TIMD4: variants seen among roughly 807,000 people sequenced by gnomAD.
TIMD4 encodes the protein T cell immunoglobulin and mucin domain containing 4, also known as T-cell immunoglobulin and mucin domain-containing protein 4.
In TIMD4, 31 loss-of-function variants were observed where a neutral mutation model predicts 41.2. That is an observed-to-expected ratio of 0.75 (90% CI 0.57 to 1.01). The LOEUF (loss-of-function observed/expected upper bound fraction) is 1.01. Ranked by LOEUF, TIMD4 falls within the 50% of genes least tolerant of loss-of-function variation. The pLI is 0.00. For synonymous variants in TIMD4, 204 were observed against 177.1 expected, an observed-to-expected ratio of 1.15 and a Z score of -1.21; for missense variants, 479 against 472.5, an observed-to-expected ratio of 1.01 and a Z score of -0.13.
intron 4 of TIMD4, 128 bp downstream of exon 4, chr5:156,949,523 C>T: frequency 1.3e-6 from 1 of 757,572 alleles, no homozygotes; most frequent in Non-Finnish European, 2.3e-6. Context: ...CAATTTGCCA[C>T]AGGGGGATTT....
chr5:156,961,382 A>T (rs969521218), intron 1 of TIMD4, among the ~76,000 whole-genome samples: 2 of 152,242 alleles, frequency 1.3e-5, no homozygotes, highest in Admixed American at 6.5e-5. Context: ...ACTACTGGGG[A>T]TATATCCCAA....
At chr5:156,925,167 A>G (rs895535261) in intron 6 of TIMD4, among the ~76,000 whole-genome samples, 2 of 152,176 alleles carry the variant, frequency 1.3e-5, no homozygotes, top group Admixed American at 6.5e-5. Flanking sequence ...AAAATCAGCC[A>G]GGCATGGTGG....
chr5:156,926,356 G>A (rs1759347713), intron 5 of TIMD4, 44 bp from the exon 6 acceptor site: 2 of 1,597,688 alleles, frequency 1.3e-6, no homozygotes, highest in African/African-American at 1.3e-5. Flanking sequence ...TCTGGTTGGG[G>A]AATAAAATAT....
intron 5 of TIMD4, among the ~76,000 whole-genome samples, chr5:156,929,064 A>T (rs1759401326): frequency 1.3e-5 from 2 of 152,192 alleles, no homozygotes; most frequent in Admixed American, 6.5e-5. Context: ...TCTTCTGAAG[A>T]TGCTAAAAGC....
At chr5:156,961,841 GAAAAAAAA>G (rs58076212) in intron 1 of TIMD4, among the ~76,000 whole-genome samples, 69 of 79,546 alleles carry the variant, frequency 8.7e-4, no homozygotes, top group African/African-American at 2.8e-3. Context: ...AAAAAAGAAA[GAAAAAAAA>G]AAAGAAAATG....
chr5:156,925,494 G>A (rs1484522194), intron 6 of TIMD4, among the ~76,000 whole-genome samples: 1 of 152,188 alleles, frequency 6.6e-6, no homozygotes, highest in Non-Finnish European at 1.5e-5. Flanking sequence ...GAGAGAGATG[G>A]GGAAGAAGAA....
intron 1 of TIMD4, among the ~76,000 whole-genome samples, chr5:156,958,220 C>T (rs1440336057): frequency 6.6e-6 from 1 of 151,670 alleles, no homozygotes; most frequent in Non-Finnish European, 1.5e-5. Context: ...TGCAGTTAGC[C>T]AAGATCACAC....
chr5:156,926,019 T>G (rs1187098463), intron 6 of TIMD4, among the ~76,000 whole-genome samples: 2 of 152,274 alleles, frequency 1.3e-5, no homozygotes, highest in African/African-American at 4.8e-5. Flanking sequence ...TTCTCATGCC[T>G]CAGCCTTCTG....
intron 5 of TIMD4, among the ~76,000 whole-genome samples, chr5:156,929,697 A>G (rs1253297917): frequency 1.3e-5 from 2 of 152,208 alleles, no homozygotes; most frequent in African/African-American, 2.4e-5. Context: ...TTGATTTGTC[A>G]GACTTCTGCC....
intron 1 of TIMD4, among the ~76,000 whole-genome samples, chr5:156,962,262 T>C (rs1753080993): frequency 6.6e-6 from 1 of 152,160 alleles, no homozygotes; most frequent in African/African-American, 2.4e-5. Context: ...GAAGAGAACA[T>C]TTGAAATGTT....
At chr5:156,960,784 C>T (rs1160350695) in intron 1 of TIMD4, among the ~76,000 whole-genome samples, 2 of 152,220 alleles carry the variant, frequency 1.3e-5, no homozygotes, top group African/African-American at 4.8e-5. Flanking sequence ...ACAAAGCAGA[C>T]CTGGGCTGCC....
At chr5:156,961,808 C>CAAAAAAAAAAAAA in intron 1 of TIMD4, among the ~76,000 whole-genome samples, 25 of 27,986 alleles carry the variant, frequency 8.9e-4, no homozygotes, top group Admixed American at 1.5e-3. Flanking sequence ...GACTCCGTCT[C>CAAAAAAAAAAAAA]AAAAAAAAAA....
Position 156,951,565 on chromosome 5 carries a change from G to C in TIMD4, c.626C>G (p.Ala209Gly), listed in dbSNP as rs1759855486. 3 of 1,614,050 alleles carry C rather than the reference G, an allele frequency of 1.9e-6. No homozygotes were observed. The Admixed American group carries it at 5.0e-5, about 27-fold the overall frequency. Residue 209 changes from alanine to glycine, a missense_variant, in exon 3 of 9, where the codon GCC (alanine) becomes GGC (glycine). Transcript: ENST00000274532. ...AGGCTCGGGAGTCAGAAGACCTGTG[G>C]CTTCCTCCGGAAGGGTGCTTGGGGT... The part of the protein sequence containing the change: ...SLTPSTLPEE[A>G]TGLLTPEPSK...
intron 3 of TIMD4, among the ~76,000 whole-genome samples, chr5:156,951,059 T>C (rs1759842055): frequency 1.3e-5 from 2 of 151,810 alleles, no homozygotes; most frequent in African/African-American, 2.4e-5. Flanking sequence ...GAATAAATTG[T>C]GTCCCCTCAA....
chr5:156,932,714 A>G (rs995487083), intron 5 of TIMD4, among the ~76,000 whole-genome samples: 5 of 152,192 alleles, frequency 3.3e-5, no homozygotes, highest in African/African-American at 1.2e-4. Context: ...CATTAAAGAA[A>G]ACGGTTTAAG....
chr5:156,948,010 A>G (rs1759775910), intron 5 of TIMD4, among the ~76,000 whole-genome samples: 1 of 152,226 alleles, frequency 6.6e-6, no homozygotes, highest in Non-Finnish European at 1.5e-5. Flanking sequence ...GGAAGAAGGA[A>G]GATTTCAACA....
chr5:156,923,091 T>C (rs962402406), intron 6 of TIMD4, among the ~76,000 whole-genome samples: 1 of 151,888 alleles, frequency 6.6e-6, no homozygotes, highest in Non-Finnish European at 1.5e-5. Context: ...TGAGATGGTG[T>C]CTCGCTATGT....
intron 5 of TIMD4, among the ~76,000 whole-genome samples, chr5:156,934,981 C>T (rs1218636016): frequency 2.6e-5 from 4 of 152,148 alleles, no homozygotes; most frequent in African/African-American, 9.7e-5. Context: ...AACTTCAACG[C>T]AATCCTAGAA....
chr5:156,930,943 G>C (rs1422821724), intron 5 of TIMD4, among the ~76,000 whole-genome samples: 2 of 152,208 alleles, frequency 1.3e-5, no homozygotes, highest in Non-Finnish European at 2.9e-5. Context: ...TAAGGATCTT[G>C]TGATGAGAAG....
Sources: gnomAD v4.1 joint callset for allele counts (sites outside exome capture counted in the v4.1 genomes callset) on GRCh38, gnomAD v4.1.1 for gene constraint, MANE v1.5 for transcripts, NCBI Gene and HGNC (gene_info 2026-07-23, HGNC 2026-07-21) for gene names.